GLMN: variants seen among roughly 807,000 people sequenced by gnomAD.
GLMN encodes the protein glomulin, FKBP associated protein.
In GLMN, 75 loss-of-function variants were observed where a neutral mutation model predicts 87.8. That is an observed-to-expected ratio of 0.85 (90% CI 0.71 to 1.04). The LOEUF (loss-of-function observed/expected upper bound fraction) is 1.04, where lower values mean the gene tolerates loss of function less well. Among genes scored for constraint, GLMN ranks in the 50% least tolerant of loss-of-function variants. The pLI is 0.00. For missense variants in GLMN, 588 were observed against 658.8 expected, an observed-to-expected ratio of 0.89 and a Z score of 1.18; for synonymous variants, 206 against 221.6, an observed-to-expected ratio of 0.93 and a Z score of 0.63.
At chr1:92,295,313 T>A (rs774440985) in intron 3 of GLMN, among the ~76,000 whole-genome samples, 5 of 152,014 alleles carry the variant, frequency 3.3e-5, no homozygotes, top group Non-Finnish European at 7.4e-5. Context: ...TCAGGTAAAT[T>A]CTTGTTTTTT....
At chr1:92,356,219 C>CTTGAA in the GLMN span, among the ~76,000 whole-genome samples, 1 of 152,000 alleles carries the variant, frequency 6.6e-6, no homozygotes, top group South Asian at 2.1e-4. Context: ...TCAAGTGATC[C>CTTGAA]ACCTGCCTCA....
At chr1:92,322,974 G>T in the GLMN span, among the ~76,000 whole-genome samples, 1 of 144,274 alleles carries the variant, frequency 6.9e-6, no homozygotes, top group African/African-American at 2.5e-5. Flanking sequence ...ATATGTACAA[G>T]TATATATTAT....
the GLMN span, among the ~76,000 whole-genome samples, chr1:92,308,374 A>G: frequency 7.2e-5 from 11 of 152,202 alleles, no homozygotes; most frequent in African/African-American, 2.7e-4. Flanking sequence ...GGAAGCTAAG[A>G]GTACTTTTTT....
the GLMN span, among the ~76,000 whole-genome samples, chr1:92,366,019 T>A: frequency 6.6e-6 from 1 of 152,154 alleles, no homozygotes; most frequent in Non-Finnish European, 1.5e-5. Context: ...CACGATAGCT[T>A]CTTAGGTTTG....
At chr1:92,258,286 C>T (rs372700693) in intron 16 of GLMN, among the ~76,000 whole-genome samples, 8 of 152,128 alleles carry the variant, frequency 5.3e-5, no homozygotes, top group Admixed American at 1.3e-4. Flanking sequence ...GAAATAGGAA[C>T]GCTTTTACAC....
chr1:92,291,009 T>G (rs1250298830), intron 4 of GLMN, among the ~76,000 whole-genome samples: 9 of 152,192 alleles, frequency 5.9e-5, no homozygotes, highest in South Asian at 2.1e-4. Context: ...CCATTTTCTT[T>G]TAGGGAACAT....
chr1:92,315,965 C>A, the GLMN span, among the ~76,000 whole-genome samples: 1 of 152,190 alleles, frequency 6.6e-6, no homozygotes, highest in African/African-American at 2.4e-5. Context: ...CAGAAACAGA[C>A]CACATAGAGT....
chr1:92,247,165 T>C (rs753662150), intron 17 of GLMN, 21 bp from the exon 18 acceptor site: 3 of 1,116,680 alleles, frequency 2.7e-6, no homozygotes, highest in South Asian at 1.2e-5. Context: ...AGAAAAATCA[T>C]GTGTGACACT....
At chr1:92,251,678 G>T (rs1200649173) in intron 16 of GLMN, among the ~76,000 whole-genome samples, 1 of 151,924 alleles carries the variant, frequency 6.6e-6, no homozygotes, top group Non-Finnish European at 1.5e-5. Flanking sequence ...TATAACCAAA[G>T]AATTTGTATC....
At chr1:92,322,014 C>T in the GLMN span, among the ~76,000 whole-genome samples, 4 of 147,396 alleles carry the variant, frequency 2.7e-5, no homozygotes, top group Non-Finnish European at 3.0e-5. Flanking sequence ...GGCGCGATCT[C>T]GGCTCACTGC....
intron 16 of GLMN, among the ~76,000 whole-genome samples, chr1:92,251,521 T>A (rs901842605): frequency 1.3e-5 from 2 of 152,172 alleles, no homozygotes; most frequent in African/African-American, 4.8e-5. Flanking sequence ...ACCTTTGTGA[T>A]CTGGGTTAAC....
the GLMN span, among the ~76,000 whole-genome samples, chr1:92,330,208 A>T: frequency 6.6e-6 from 1 of 152,242 alleles, no homozygotes; most frequent in South Asian, 2.1e-4. Context: ...GTACAAAGAC[A>T]GGTGGAAAAG....
chr1:92,275,573 C>A (rs1238999162), intron 7 of GLMN, among the ~76,000 whole-genome samples: 1 of 152,192 alleles, frequency 6.6e-6, no homozygotes, highest in Non-Finnish European at 1.5e-5. Flanking sequence ...CCTTATTCAT[C>A]CAACCTCTTT....
At position 92,297,944 on chromosome 1, in the gene GLMN, C is replaced by T. The variant is rs2101076299; in HGVS notation, c.39+17G>A. 2 of 1,218,832 alleles carry T rather than the reference C, an allele frequency of 1.6e-6. No homozygotes were observed. The highest frequency in any genetic ancestry group is 2.4e-6 in the Non-Finnish European group (2 of 820,828). The allele number at this position is 1,218,832 out of a possible 1,614,324, so 75.5% of individuals were successfully genotyped here. A position where few individuals can be genotyped will look rare whatever the true frequency, so the allele number is the denominator to read the frequency against. On this transcript the variant is annotated intron_variant, in intron 2 of 18. Coordinates refer to ENST00000370360, the MANE Select transcript of GLMN (RefSeq NM_053274.3). ...ATATTTTGAAAGGTATTTAATTTTA[C>T]AAAAATTAATACTTACACATCTCTT...
chr1:92,332,474 G>T, the GLMN span, among the ~76,000 whole-genome samples: 131,342 of 152,098 alleles, frequency 0.86, 57,129 homozygotes, highest in East Asian at 1. Context: ...TCATATTGTC[G>T]TGTTTTATTA....
At chr1:92,308,164 GACA>G in the GLMN span, among the ~76,000 whole-genome samples, 6 of 152,010 alleles carry the variant, frequency 3.9e-5, no homozygotes, top group African/African-American at 1.2e-4. Context: ...CAATTATGCT[GACA>G]ACAGCACCTG....
intron 9 of GLMN, among the ~76,000 whole-genome samples, chr1:92,268,965 C>A (rs2100910289): frequency 6.9e-6 from 1 of 145,478 alleles, no homozygotes; most frequent in African/African-American, 2.6e-5. Flanking sequence ...GTTGCCCAGG[C>A]TGGACTGCAG....
chr1:92,272,017 T>C (rs1323544391), intron 7 of GLMN, among the ~76,000 whole-genome samples: 2 of 152,168 alleles, frequency 1.3e-5, no homozygotes, highest in Admixed American at 1.3e-4. Flanking sequence ...TAAGCTGCCA[T>C]GTTATGAGAA....
At chr1:92,251,135 T>C (rs889338753) in intron 16 of GLMN, among the ~76,000 whole-genome samples, 1 of 152,150 alleles carries the variant, frequency 6.6e-6, no homozygotes, top group African/African-American at 2.4e-5. Context: ...GATTTAAAAA[T>C]AGCCAATACA....
Sources: gnomAD v4.1 joint callset for allele counts (sites outside exome capture counted in the v4.1 genomes callset) on GRCh38, gnomAD v4.1.1 for gene constraint, MANE v1.5 for transcripts, NCBI Gene and HGNC (gene_info 2026-07-23, HGNC 2026-07-21) for gene names.